AGMO: variants seen among roughly 807,000 people sequenced by gnomAD.
AGMO encodes the protein alkylglycerol monooxygenase.
Under a neutral mutation model 60.2 loss-of-function variants are expected in AGMO, and 75 were observed. The ratio of observed to expected loss-of-function variants is 1.25; its 90% CI spans 1.03 to 1.51. The LOEUF (loss-of-function observed/expected upper bound fraction) is 1.51. AGMO is among the 40% of genes most tolerant of loss of function. The pLI is 0.00. For missense variants in AGMO, 763 were observed against 525.5 expected, an observed-to-expected ratio of 1.45 and a Z score of -4.42; for synonymous variants, 261 against 177.1, an observed-to-expected ratio of 1.47 and a Z score of -3.76.
chr7:15,437,230 A>C (rs543724915), intron 3 of AGMO, among the ~76,000 whole-genome samples: 1 of 152,328 alleles, frequency 6.6e-6, no homozygotes, highest in Non-Finnish European at 1.5e-5. Flanking sequence ...CATCAATTTT[A>C]TCATCATAAC....
chr7:15,418,441 C>T, intron 5 of AGMO, 117 bp downstream of exon 5: 2 of 649,366 alleles, frequency 3.1e-6, no homozygotes, highest in Non-Finnish European at 5.3e-6. Context: ...GATGTTTCTC[C>T]TTAGAAAAGG....
chr7:15,397,249 G>T (rs1315511623), intron 5 of AGMO, among the ~76,000 whole-genome samples: 1 of 152,086 alleles, frequency 6.6e-6, no homozygotes, highest in African/African-American at 2.4e-5. Context: ...GTCCGCGCAT[G>T]GTACCCAGAC....
In AGMO at chr7:15,289,777, C is replaced by T. The variant is rs192114651; in HGVS notation, c.1263+75737G>A. ...GGCTCAATTAACTGATCTGTTAAAACAGAGGAAATGAACATTGTTTAAATA... is the reference window on the plus strand; with the variant it reads ...GGCTCAATTAACTGATCTGTTAAAATAGAGGAAATGAACATTGTTTAAATA... On this transcript the variant is annotated intron_variant, in intron 12 of 12. Transcript: ENST00000342526. 1.1e-3 allele frequency among the ~76,000 whole-genome samples: 170 copies of T among 151,904 alleles called. 2 individuals are homozygous for T. The highest frequency in any genetic ancestry group is 3.9e-3 in the African/African-American group (161 of 41,428).
At chr7:15,474,706 TTAAAC>T (rs1172049113) in intron 3 of AGMO, among the ~76,000 whole-genome samples, 1 of 152,036 alleles carries the variant, frequency 6.6e-6, no homozygotes, top group African/African-American at 2.4e-5. Context: ...TGGGATCTAA[TTAAAC>T]TAAAGAGCTT....
intron 12 of AGMO, among the ~76,000 whole-genome samples, chr7:15,255,034 A>G (rs1312785646): frequency 1.3e-5 from 2 of 152,222 alleles, no homozygotes; most frequent in African/African-American, 4.8e-5. Context: ...AGCCATAAAA[A>G]AAGATGAGTT....
the AGMO span, among the ~76,000 whole-genome samples, chr7:15,187,112 T>C: frequency 6.6e-6 from 1 of 152,330 alleles, no homozygotes; most frequent in Admixed American, 6.5e-5. Flanking sequence ...TGTCATTCAG[T>C]CTTTCAGACG....
At chr7:15,353,543 A>G (rs1443939118) in intron 12 of AGMO, among the ~76,000 whole-genome samples, 2 of 152,136 alleles carry the variant, frequency 1.3e-5, no homozygotes, top group Non-Finnish European at 2.9e-5. Context: ...AAACAAAACT[A>G]CTCAACTAAA....
At chr7:15,194,802 C>T in the AGMO span, among the ~76,000 whole-genome samples, 6 of 152,004 alleles carry the variant, frequency 3.9e-5, no homozygotes, top group Admixed American at 1.3e-4. Context: ...CCTAGTGTGC[C>T]GTGTGGCTGC....
In AGMO at chr7:15,547,786, G is replaced by A. The variant is rs370558823; in HGVS notation, c.258-2863C>T. Reference sequence around the variant, plus strand: ...GCTTGATTAGGTAAACAAAGCAGCCGGGAAGCTCCAACTGGGTGGAACCCA... The same window carrying A: ...GCTTGATTAGGTAAACAAAGCAGCCAGGAAGCTCCAACTGGGTGGAACCCA... On this transcript the variant is annotated intron_variant, in intron 2 of 12. Transcript: ENST00000342526. Among the ~76,000 whole-genome samples, 402 of 151,942 alleles carry A rather than the reference G, an allele frequency of 2.6e-3. 7 individuals carry two copies. The highest frequency in any genetic ancestry group is 8.6e-3 in the African/African-American group (356 of 41,292).
At chr7:15,482,352 A>T (rs771729923) in intron 3 of AGMO, among the ~76,000 whole-genome samples, 3 of 152,240 alleles carry the variant, frequency 2.0e-5, no homozygotes, top group East Asian at 1.9e-4. Context: ...TACAGATCTT[A>T]AAAAAAGTTA....
At chr7:15,177,289 CTTTG>C in the AGMO span, among the ~76,000 whole-genome samples, 6 of 151,714 alleles carry the variant, frequency 4.0e-5, no homozygotes, top group South Asian at 4.1e-4. Flanking sequence ...AAAGATGTTT[CTTTG>C]TTTGTTTGCA....
At chr7:15,258,000 T>C (rs1462068278) in intron 12 of AGMO, among the ~76,000 whole-genome samples, 3 of 152,216 alleles carry the variant, frequency 2.0e-5, no homozygotes, top group Admixed American at 6.5e-5. Context: ...TAGCATAGTA[T>C]GAAAACTCAG....
chr7:15,131,144 C>G, the AGMO span, among the ~76,000 whole-genome samples: 14 of 152,132 alleles, frequency 9.2e-5, no homozygotes, highest in Non-Finnish European at 1.6e-4. Context: ...TTTTCATAGC[C>G]TCATAGGAGT....
At chr7:15,326,248 T>C (rs983215794) in intron 12 of AGMO, among the ~76,000 whole-genome samples, 17 of 152,198 alleles carry the variant, frequency 1.1e-4, no homozygotes, top group Admixed American at 1.1e-3. Flanking sequence ...GGCATCTATA[T>C]GGCAAAACTC....
intron 3 of AGMO, among the ~76,000 whole-genome samples, chr7:15,513,948 C>A (rs899382988): frequency 1.3e-5 from 2 of 152,162 alleles, no homozygotes; most frequent in Non-Finnish European, 2.9e-5. Context: ...CCCCCAAACA[C>A]TAAATAATGG....
chr7:15,456,365 G>A (rs1338420327), intron 3 of AGMO, among the ~76,000 whole-genome samples: 1 of 151,928 alleles, frequency 6.6e-6, no homozygotes, highest in Non-Finnish European at 1.5e-5. Flanking sequence ...TTTTTATATT[G>A]ACTTTTACCT....
intron 12 of AGMO, among the ~76,000 whole-genome samples, chr7:15,291,536 C>G (rs1002654136): frequency 5.9e-5 from 9 of 152,034 alleles, no homozygotes; most frequent in African/African-American, 9.7e-5. Flanking sequence ...CTCTTTAGAA[C>G]CCATGGAATA....
At chr7:15,230,888 C>A (rs192089562) in intron 12 of AGMO, among the ~76,000 whole-genome samples, 87 of 152,296 alleles carry the variant, frequency 5.7e-4, no homozygotes, top group Non-Finnish European at 1.1e-3. Context: ...AACTGTGTGT[C>A]CTTCCATGGG....
chr7:15,360,425 G>C (rs1440312816), intron 12 of AGMO, among the ~76,000 whole-genome samples: 1 of 152,142 alleles, frequency 6.6e-6, no homozygotes, highest in Non-Finnish European at 1.5e-5. Context: ...GTGGTAACAT[G>C]AACAGACGAT....
Sources: allele counts gnomAD v4.1 joint callset (sites outside exome capture counted in the v4.1 genomes callset), GRCh38; gene constraint gnomAD v4.1.1; transcripts MANE v1.5; gene names NCBI Gene and HGNC (gene_info 2026-07-23, HGNC 2026-07-21).